The following WASHC5 variants were observed in gnomAD, a reference collection of about 807,000 sequenced individuals.
The protein encoded by WASHC5 is WASH complex subunit strumpellin.
Under a neutral mutation model 150.4 loss-of-function variants are expected in WASHC5, and 101 were observed. That is an observed-to-expected ratio of 0.67 (90% CI 0.57 to 0.79). The LOEUF is 0.79. Ranked by LOEUF, WASHC5 falls within the 30% of genes least tolerant of loss-of-function variation. The probability of loss-of-function intolerance (pLI) is 0.00; values close to 1 mark genes in which losing one functional copy is unlikely to be tolerated. For synonymous variants in WASHC5, 467 were observed against 491.2 expected (o/e 0.95, Z 0.65); for missense variants, 1,195 against 1,396.3 (o/e 0.86, Z 2.30).
In WASHC5 at chr8:125,056,641, T is replaced by C. The variant is rs780331268; in HGVS notation, c.2016+36A>G. 3.7e-6 allele frequency: 6 copies of C among 1,613,446 alleles called. No individual in the cohort carries two copies. In the East Asian group the frequency reaches 1.3e-4, roughly 36 times the overall value. On this transcript the variant is annotated intron_variant, in intron 16 of 28. Transcript: ENST00000318410. ...GTGATATTTCATGACTGTTAGTTTT[T>C]AATATGAAAAGGCAGAAGTCAGAGG...
At chr8:125,089,754 G>A (rs954750363) in intron 1 of WASHC5, among the ~76,000 whole-genome samples, 4 of 152,198 alleles carry the variant, frequency 2.6e-5, no homozygotes, top group Non-Finnish European at 2.9e-5. Context: ...CAAGACTTTC[G>A]TGTGTCAATC....
Position 125,047,718 on chromosome 8 carries a change from G to C in WASHC5, c.2380-387C>G, listed in dbSNP as rs375389324. On this transcript the variant is annotated intron_variant, in intron 19 of 28. Transcript: ENST00000318410. ...CTCCCAAAGTGCTGGGATTATAGGCGTGTGCCAGGTCTGGCTAATTTTTGT... is the reference window on the plus strand; with the variant it reads ...CTCCCAAAGTGCTGGGATTATAGGCCTGTGCCAGGTCTGGCTAATTTTTGT... Among the ~76,000 whole-genome samples, 91 of 152,182 alleles carry C rather than the reference G, an allele frequency of 6.0e-4. 1 individual carries two copies. In the South Asian group the frequency reaches 0.012, roughly 19 times the overall value.
intron 6 of WASHC5, 44 bp from the exon 7 acceptor site, chr8:125,076,544 T>C: frequency 6.2e-7 from 1 of 1,608,426 alleles, no homozygotes; most frequent in Non-Finnish European, 8.5e-7. Flanking sequence ...TTGGCAACAT[T>C]TGCACGTAGA....
chr8:125,053,599 T>C (rs1816313769), intron 17 of WASHC5, among the ~76,000 whole-genome samples: 1 of 152,120 alleles, frequency 6.6e-6, no homozygotes, highest in South Asian at 2.1e-4. Flanking sequence ...GCAAATTCTA[T>C]TAATATTCTA....
At position 125,057,540 on chromosome 8, in the gene WASHC5, C is replaced by G; in HGVS notation, c.1875+16G>C. On this transcript the variant is annotated intron_variant, in intron 15 of 28. Coordinates refer to ENST00000318410, the MANE Select transcript of WASHC5 (RefSeq NM_014846.4). The stretch of plus-strand genomic sequence containing the variant: ...TTATCTGGCAAGAGTAAATATCACC[C>G]TGATGCATTTCTTACTTTTCTCACA... The G allele has an allele frequency of 6.7e-7, 1 of 1,490,218 alleles. No individual in the cohort carries two copies. The highest frequency in any genetic ancestry group is 1.1e-5 in the South Asian group (1 of 87,380). 92.3% of individuals were successfully genotyped at this position (1,490,218 alleles called of 1,614,324 possible). A position where few individuals can be genotyped will look rare whatever the true frequency, so the allele number is the denominator to read the frequency against.
At chr8:125,062,503 A>G (rs1296329292) in intron 11 of WASHC5, among the ~76,000 whole-genome samples, 3 of 152,240 alleles carry the variant, frequency 2.0e-5, no homozygotes, top group African/African-American at 4.8e-5. Flanking sequence ...AGGTCACAAT[A>G]TGATAACCAT....
intron 10 of WASHC5, among the ~76,000 whole-genome samples, chr8:125,065,140 G>A (rs1451707468): frequency 1.3e-5 from 2 of 152,134 alleles, no homozygotes; most frequent in Admixed American, 6.5e-5. Context: ...CCTGAATTAG[G>A]AAATGTGCTG....
In WASHC5 at chr8:125,083,851, T is replaced by C; in HGVS notation, c.48A>G (p.Leu16=). The change falls in exon 2 of 29, where the codon CTA becomes CTG. Residue 16 remains leucine (L), a synonymous_variant. Coordinates refer to ENST00000318410, the MANE Select transcript of WASHC5 (RefSeq NM_014846.4). ...TGGCATTACCACAGGAAACAATCCT[T>C]AGGATTGCTTGGCCACAGAGGTTGT... ...AENNLCGQAI[L]RIVSCGNAII... is the part of the protein sequence containing the mutation. 4 of 1,613,898 alleles carry C rather than the reference T, an allele frequency of 2.5e-6. No homozygotes were observed. The highest frequency in any genetic ancestry group is 3.4e-6 in the Non-Finnish European group (4 of 1,179,894).
chr8:125,052,771 C>T (rs1291577365), intron 17 of WASHC5, among the ~76,000 whole-genome samples: 4 of 152,154 alleles, frequency 2.6e-5, no homozygotes, highest in Non-Finnish European at 4.4e-5. Context: ...AACCATTCCC[C>T]TACTGATGAT....
intron 5 of WASHC5, 107 bp from the exon 6 acceptor site, chr8:125,079,037 G>T (rs931545647): frequency 2.2e-6 from 2 of 897,744 alleles, no homozygotes; most frequent in Non-Finnish European, 3.6e-6. Flanking sequence ...TATAGTTTCA[G>T]ATATGATCAC....
chr8:125,076,639 C>G (rs1000715158), intron 6 of WASHC5, 139 bp from the exon 7 acceptor site: 1 of 880,278 alleles, frequency 1.1e-6, no homozygotes, highest in Admixed American at 2.1e-5. Flanking sequence ...CACTGGAAGC[C>G]CTTCTCAGAC....
chr8:125,034,736 G>T (rs1815648613), intron 26 of WASHC5, among the ~76,000 whole-genome samples: 1 of 152,142 alleles, frequency 6.6e-6, no homozygotes, highest in African/African-American at 2.4e-5. Context: ...CTAAACAAGT[G>T]ATCCTGAATA....
At chr8:125,090,039 T>C (rs192675012) in intron 1 of WASHC5, among the ~76,000 whole-genome samples, 1 of 152,356 alleles carries the variant, frequency 6.6e-6, no homozygotes, top group Non-Finnish European at 1.5e-5. Flanking sequence ...ACTTGTGTTT[T>C]CTATTTCTAA....
At chr8:125,067,160 G>A (rs1411883758) in intron 10 of WASHC5, among the ~76,000 whole-genome samples, 2 of 152,060 alleles carry the variant, frequency 1.3e-5, no homozygotes, top group Non-Finnish European at 2.9e-5. Flanking sequence ...GACTACAGCC[G>A]TGTGCCACCA....
At chr8:125,032,542 T>A (rs1815572154) in intron 26 of WASHC5, 148 bp from the exon 27 acceptor site, 1 of 911,888 alleles carries the variant, frequency 1.1e-6, no homozygotes, top group South Asian at 1.4e-5. Flanking sequence ...CTGGGCCATA[T>A]TTTGAATTAG....
At chr8:125,068,273 C>T (rs1044071320) in intron 9 of WASHC5, among the ~76,000 whole-genome samples, 9 of 152,186 alleles carry the variant, frequency 5.9e-5, no homozygotes, top group African/African-American at 9.7e-5. Context: ...GTACAAACAA[C>T]GTTTTCCTTC....
chr8:125,069,847 C>T (rs979962391), intron 9 of WASHC5, among the ~76,000 whole-genome samples: 1 of 152,172 alleles, frequency 6.6e-6, no homozygotes, highest in Non-Finnish European at 1.5e-5. Context: ...GAAGGAGCTC[C>T]AGTTGTCTTT....
intron 1 of WASHC5, among the ~76,000 whole-genome samples, chr8:125,090,718 GACAA>G (rs913326128): frequency 7.2e-5 from 11 of 152,276 alleles, no homozygotes; most frequent in Middle Eastern, 3.4e-3. Flanking sequence ...AATTGTCGTG[GACAA>G]ACAGTTTACC....
Position 125,056,785 on chromosome 8 carries a change from T to G in WASHC5, c.1908A>C (p.Thr636=). ...VLQIIPESMF[T]SLLKIIKLQT... ...GAAGCTTTATGATCTTTAGAAGAGATGTAAACATGCTTTCTGGGATGATCT... is the reference window on the plus strand; with the variant it reads ...GAAGCTTTATGATCTTTAGAAGAGAGGTAAACATGCTTTCTGGGATGATCT... Residue 636 remains threonine (T), a synonymous_variant, in exon 16 of 29, where the codon ACA becomes ACC. Coordinates refer to ENST00000318410, the MANE Select transcript of WASHC5 (RefSeq NM_014846.4). 1 of 1,614,176 alleles carries G rather than the reference T, an allele frequency of 6.2e-7. No individual in the cohort carries two copies. The highest frequency in any genetic ancestry group is 8.5e-7 in the Non-Finnish European group (1 of 1,180,012).
Sources: allele counts gnomAD v4.1 joint callset (sites outside exome capture counted in the v4.1 genomes callset), GRCh38; gene constraint gnomAD v4.1.1; transcripts MANE v1.5; gene names NCBI Gene and HGNC (gene_info 2026-07-23, HGNC 2026-07-21).